The following PTPRG variants were observed in gnomAD, a reference collection of about 807,000 sequenced individuals.
The protein encoded by PTPRG is receptor-type tyrosine-protein phosphatase gamma.
Under a neutral mutation model 165.3 loss-of-function variants are expected in PTPRG, and 102 were observed. The ratio of observed to expected loss-of-function variants is 0.62; its 90% CI spans 0.53 to 0.73. The LOEUF is 0.73. Among genes scored for constraint, PTPRG ranks in the 30% least tolerant of loss-of-function variants. The pLI, the probability that PTPRG is intolerant of heterozygous loss-of-function variation, is 0.00. For missense variants in PTPRG, 1,866 were observed against 1,861.4 expected (o/e 1.00, Z -0.05); for synonymous variants, 675 against 669.5 (o/e 1.01, Z -0.13).
intron 1 of PTPRG, among the ~76,000 whole-genome samples, chr3:61,702,013 CTG>C (rs2030991603): frequency 6.6e-6 from 1 of 152,162 alleles, no homozygotes; most frequent in African/African-American, 2.4e-5. Flanking sequence ...GGGTCTCACT[CTG>C]TTGCCCAGGC....
intron 2 of PTPRG, among the ~76,000 whole-genome samples, chr3:61,931,801 T>G (rs941479068): frequency 1.3e-5 from 2 of 152,232 alleles, no homozygotes; most frequent in African/African-American, 4.8e-5. Context: ...TTATCATTTT[T>G]CATTGTCTGA....
In PTPRG at chr3:61,607,557, C is replaced by CT. The variant is rs564081343; in HGVS notation, c.85+45193dup. 6.2e-4 allele frequency among the ~76,000 whole-genome samples: 95 copies of CT among 152,078 alleles called. 5 individuals are homozygous for CT. The South Asian group carries it at 0.016, about 25-fold the overall frequency. ...GCTCGACAAACTCTTTTAAACCTTA[C>CT]TTTTTTTTGGTTTTGGTAGTGGTAG... On this transcript the variant is annotated intron_variant, in intron 1 of 29. Transcript: ENST00000474889.
intron 4 of PTPRG, among the ~76,000 whole-genome samples, chr3:62,061,067 C>G (rs1285196817): frequency 6.6e-6 from 1 of 152,162 alleles, no homozygotes; most frequent in African/African-American, 2.4e-5. Flanking sequence ...CCTGAATCTC[C>G]CTTGTAACAT....
chr3:62,138,926 C>A (rs79997654), intron 6 of PTPRG, among the ~76,000 whole-genome samples: 2 of 152,118 alleles, frequency 1.3e-5, no homozygotes, highest in Non-Finnish European at 2.9e-5. Context: ...TGTGTACATA[C>A]ACATATACTG....
intron 2 of PTPRG, among the ~76,000 whole-genome samples, chr3:61,961,505 T>C (rs894616757): frequency 3.3e-5 from 5 of 152,234 alleles, no homozygotes; most frequent in Non-Finnish European, 7.3e-5. Context: ...TGTGGCTTGA[T>C]GCTCTGTTTG....
At chr3:61,922,336 T>A (rs1200495934) in intron 2 of PTPRG, among the ~76,000 whole-genome samples, 1 of 152,252 alleles carries the variant, frequency 6.6e-6, no homozygotes, top group Non-Finnish European at 1.5e-5. Flanking sequence ...TTGTGCTAAA[T>A]GCTTGGCATG....
At chr3:62,009,623 T>G (rs2041371725) in intron 4 of PTPRG, among the ~76,000 whole-genome samples, 1 of 152,180 alleles carries the variant, frequency 6.6e-6, no homozygotes. Flanking sequence ...GAGAGTTGTC[T>G]TGTAATGACC....
intron 12 of PTPRG, among the ~76,000 whole-genome samples, chr3:62,205,368 C>T (rs1401210181): frequency 6.6e-6 from 1 of 152,122 alleles, no homozygotes; most frequent in Non-Finnish European, 1.5e-5. Flanking sequence ...GTACGGAATG[C>T]CCACTGTATA....
chr3:62,092,043 G>A (rs1361456235), intron 5 of PTPRG, among the ~76,000 whole-genome samples: 4 of 147,046 alleles, frequency 2.7e-5, no homozygotes, highest in Non-Finnish European at 6.0e-5. Context: ...TATCATTAGG[G>A]AGGTTACCCC....
At chr3:61,665,657 G>A (rs1485038164) in intron 1 of PTPRG, among the ~76,000 whole-genome samples, 1 of 151,738 alleles carries the variant, frequency 6.6e-6, no homozygotes, top group Non-Finnish European at 1.5e-5. Flanking sequence ...GACCTTATCT[G>A]TATTAAAAAA....
intron 4 of PTPRG, among the ~76,000 whole-genome samples, chr3:62,072,776 G>A (rs1437350028): frequency 1.3e-5 from 2 of 152,010 alleles, no homozygotes; most frequent in Non-Finnish European, 2.9e-5. Flanking sequence ...TAGGTTCATC[G>A]ACCTTTAAGC....
intron 7 of PTPRG, among the ~76,000 whole-genome samples, 200 bp from the exon 8 acceptor site, chr3:62,167,771 C>T (rs1231505805): frequency 6.6e-6 from 1 of 152,152 alleles, no homozygotes; most frequent in Non-Finnish European, 1.5e-5. Context: ...ACAGAAACCA[C>T]AGCCAGATGA....
intron 1 of PTPRG, among the ~76,000 whole-genome samples, chr3:61,638,100 G>C (rs17065131): frequency 0.028 from 4,268 of 152,246 alleles, 188 homozygotes; most frequent in African/African-American, 0.095. Flanking sequence ...TTCAACTGCT[G>C]TTTTCCAAAT....
rs201651526 is a variant in PTPRG at position 61,621,047 on chromosome 3, A to ATGTGTGTGTG, written c.85+58676_85+58677insGTGTGTGTGT. 1.1e-3 allele frequency among the ~76,000 whole-genome samples: 105 copies of ATGTGTGTGTG among 97,226 alleles called. 1 individual carries two copies. The highest frequency in any genetic ancestry group is 4.9e-3 in the Middle Eastern group (1 of 206). The allele number at this position is 97,226 out of a possible 152,430, so 63.8% of individuals were successfully genotyped here. A position where few individuals can be genotyped will look rare whatever the true frequency, so the allele number is the denominator to read the frequency against. On this transcript the variant is annotated intron_variant, in intron 1 of 29. Transcript: ENST00000474889. ...AGTGTGTGTGTGTATATATATATAT[A>ATGTGTGTGTG]TATATGTGTGTGTGTGTGTGTGTGT...
chr3:62,186,562 T>C (rs1258903010), intron 8 of PTPRG, among the ~76,000 whole-genome samples: 1 of 137,668 alleles, frequency 7.3e-6, no homozygotes, highest in African/African-American at 2.9e-5. Flanking sequence ...GATTTTTTTC[T>C]TTTCCTTTTT....
At chr3:62,095,713 T>C (rs543273631) in intron 5 of PTPRG, among the ~76,000 whole-genome samples, 1 of 152,224 alleles carries the variant, frequency 6.6e-6, no homozygotes, top group South Asian at 2.1e-4. Context: ...GAAAAAGACA[T>C]TGATTGCTTT....
At chr3:61,593,483 C>A (rs7619325) in intron 1 of PTPRG, among the ~76,000 whole-genome samples, 46 of 151,126 alleles carry the variant, frequency 3.0e-4, no homozygotes, top group African/African-American at 1.1e-3. Context: ...GTGGGAATTG[C>A]TGCATAAAGG....
At chr3:62,150,977 A>C (rs185446713) in intron 6 of PTPRG, among the ~76,000 whole-genome samples, 2 of 152,124 alleles carry the variant, frequency 1.3e-5, no homozygotes, top group African/African-American at 2.4e-5. Flanking sequence ...TTTTTTTCCT[A>C]TATAACCAAA....
rs148614526 is a variant in PTPRG, at chr3:62,156,868, G to T, written c.683-199G>T. 1.9e-3 allele frequency among the ~76,000 whole-genome samples: 283 copies of T among 152,166 alleles called. No individual in the cohort carries two copies. In the Middle Eastern group the frequency reaches 0.041, roughly 22 times the overall value. ...TTTATTGAAATATACTGTGGTACTGGTGTCCTCAGAACACACCCTGGGAAA... is the reference window on the plus strand; with the variant it reads ...TTTATTGAAATATACTGTGGTACTGTTGTCCTCAGAACACACCCTGGGAAA... On this transcript the variant is annotated intron_variant, in intron 6 of 29. Transcript: ENST00000474889.
Sources: allele counts gnomAD v4.1 joint callset (sites outside exome capture counted in the v4.1 genomes callset), GRCh38; gene constraint gnomAD v4.1.1; transcripts MANE v1.5; gene names NCBI Gene and HGNC (gene_info 2026-07-23, HGNC 2026-07-21).